RPS6KA2: variants seen among roughly 807,000 people sequenced by gnomAD.
RPS6KA2 encodes ribosomal protein S6 kinase alpha-2.
A neutral mutation model predicts 91.8 loss-of-function variants in RPS6KA2; 42 were observed. The observed-to-expected ratio is 0.46, with a 90% CI of 0.36 to 0.59. The LOEUF is 0.59. RPS6KA2 is among the 20% of genes least tolerant of loss of function. The pLI, the probability that RPS6KA2 is intolerant of heterozygous loss-of-function variation, is 0.00. For synonymous variants in RPS6KA2, 414 were observed against 393.6 expected, an observed-to-expected ratio of 1.05 and a Z score of -0.61; for missense variants, 798 against 978.5, an observed-to-expected ratio of 0.82 and a Z score of 2.46.
chr6:166,807,478 G>T (rs575673954), intron 2 of RPS6KA2, among the ~76,000 whole-genome samples: 1 of 152,138 alleles, frequency 6.6e-6, no homozygotes, highest in Admixed American at 6.5e-5. Context: ...CTTCTGCCCT[G>T]CTCCCTCTCC....
At chr6:166,803,094 A>G (rs1479786194) in intron 2 of RPS6KA2, among the ~76,000 whole-genome samples, 1 of 152,172 alleles carries the variant, frequency 6.6e-6, no homozygotes, top group Non-Finnish European at 1.5e-5. Flanking sequence ...CTTTGTGCAA[A>G]CTAATTGGAA....
chr6:166,792,812 T>G (rs1386948948), intron 2 of RPS6KA2, among the ~76,000 whole-genome samples: 1 of 152,222 alleles, frequency 6.6e-6, no homozygotes, highest in Non-Finnish European at 1.5e-5. Context: ...CAGCCCTTCA[T>G]GCTAAAAACT....
intron 2 of RPS6KA2, among the ~76,000 whole-genome samples, chr6:166,667,396 T>C (rs1304815704): frequency 1.3e-5 from 2 of 152,180 alleles, no homozygotes; most frequent in East Asian, 3.8e-4. Flanking sequence ...CTACAGAAAA[T>C]ATACCTAATG....
At chr6:166,690,568 C>A (rs977575823) in intron 2 of RPS6KA2, among the ~76,000 whole-genome samples, 3 of 152,192 alleles carry the variant, frequency 2.0e-5, no homozygotes, top group African/African-American at 7.2e-5. Flanking sequence ...CGCGTCGGAA[C>A]TCCAGGCGTC....
chr6:166,810,991 C>T (rs909797925), intron 2 of RPS6KA2, among the ~76,000 whole-genome samples: 4 of 152,126 alleles, frequency 2.6e-5, no homozygotes, highest in Non-Finnish European at 5.9e-5. Context: ...AGAAAGTACC[C>T]GGAGGCCCGC....
chr6:166,703,648 C>T (rs1789596891), intron 2 of RPS6KA2, among the ~76,000 whole-genome samples: 1 of 152,132 alleles, frequency 6.6e-6, no homozygotes, highest in Non-Finnish European at 1.5e-5. Flanking sequence ...CTCTTGGTTG[C>T]TCAACATTTC....
chr6:166,618,689 T>A (rs1777012817), intron 1 of RPS6KA2, among the ~76,000 whole-genome samples: 1 of 152,226 alleles, frequency 6.6e-6, no homozygotes, highest in African/African-American at 2.4e-5. Context: ...ATCACCTCCG[T>A]TACATCCAAG....
chr6:166,588,212 A>G (rs1410645273), intron 1 of RPS6KA2, among the ~76,000 whole-genome samples: 1 of 150,672 alleles, frequency 6.6e-6, no homozygotes, highest in African/African-American at 2.4e-5. Flanking sequence ...GTTTAAAAAG[A>G]GGAACAAGGA....
chr6:166,416,831 G>A (rs915963484), intron 19 of RPS6KA2, among the ~76,000 whole-genome samples: 15 of 150,298 alleles, frequency 1.0e-4, no homozygotes, highest in African/African-American at 3.2e-4. Context: ...CATCGCTGTC[G>A]CCACCTCTGC....
At chr6:166,546,475 G>A (rs535010298) in intron 1 of RPS6KA2, among the ~76,000 whole-genome samples, 84 of 140,232 alleles carry the variant, frequency 6.0e-4, no homozygotes, top group African/African-American at 2.2e-3. Context: ...CACCCTGACT[G>A]GGAAAACTTT....
chr6:166,839,079 G>A (rs1347179265), intron 2 of RPS6KA2, among the ~76,000 whole-genome samples: 1 of 152,182 alleles, frequency 6.6e-6, no homozygotes, highest in African/African-American at 2.4e-5. Context: ...CTTAGGATCT[G>A]TGCCCTCCAG....
chr6:166,580,938 G>A (rs902094084), intron 1 of RPS6KA2, among the ~76,000 whole-genome samples: 28 of 152,080 alleles, frequency 1.8e-4, no homozygotes, highest in Admixed American at 3.9e-4. Flanking sequence ...GTCTCATTCT[G>A]TTGCCCAGGC....
At chr6:166,647,992 ACATGCTCACACACG>A (rs1230980289) in intron 2 of RPS6KA2, among the ~76,000 whole-genome samples, 5 of 147,404 alleles carry the variant, frequency 3.4e-5, no homozygotes, top group Non-Finnish European at 7.4e-5. Context: ...ACACACACGC[ACATGCTCACACACG>A]CACATGCTTA....
chr6:166,810,429 G>A (rs1433915332), intron 2 of RPS6KA2, among the ~76,000 whole-genome samples: 1 of 152,076 alleles, frequency 6.6e-6, no homozygotes, highest in East Asian at 1.9e-4. Context: ...GGGAAAGTGA[G>A]GGCAAAAAGG....
At chr6:166,629,042 C>A (rs1412407399), upstream of RPS6KA2, among the ~76,000 whole-genome samples, 1 of 152,216 alleles carries the variant, frequency 6.6e-6, no homozygotes, top group South Asian at 2.1e-4. Flanking sequence ...TCAGAACCAG[C>A]CTCTTAGTGC....
At position 166,666,990 on chromosome 6, in the gene RPS6KA2, G is replaced by A. The variant is rs1583000985; in HGVS notation, c.124-128206C>T. Reference sequence around the variant, plus strand: ...GACATTATGTGAAGTGAAATAAGCTGATCACAAAAAGACAAATACTGTATG... The same window carrying A: ...GACATTATGTGAAGTGAAATAAGCTAATCACAAAAAGACAAATACTGTATG... On this transcript the variant is annotated intron_variant, in intron 2 of 21. Transcript: ENST00000503859. The surrounding 1 kb of genome is among the most constrained non-coding windows in gnomAD (Gnocchi z 4.0). 6.6e-6 allele frequency among the ~76,000 whole-genome samples: 1 copy of A among 152,310 alleles called. No homozygotes were observed. The highest frequency in any genetic ancestry group is 2.1e-4 in the South Asian group (1 of 4,826).
chr6:166,679,784 G>A, intron 2 of RPS6KA2, among the ~76,000 whole-genome samples: 1 of 152,218 alleles, frequency 6.6e-6, no homozygotes, highest in African/African-American at 2.4e-5. Flanking sequence ...GGGAGCTGGG[G>A]TTGCGAGTGG....
intron 2 of RPS6KA2, among the ~76,000 whole-genome samples, chr6:166,750,697 G>A (rs1791253466): frequency 6.6e-6 from 1 of 152,208 alleles, no homozygotes; most frequent in African/African-American, 2.4e-5. Context: ...ACAGATGGGT[G>A]TCATTGGTCT....
intron 2 of RPS6KA2, among the ~76,000 whole-genome samples, chr6:166,640,765 G>A (rs1186489730): frequency 6.6e-6 from 1 of 151,662 alleles, no homozygotes; most frequent in African/African-American, 2.4e-5. Flanking sequence ...GCAGGCTTAT[G>A]TGAGTCTCTG....
Sources: allele counts gnomAD v4.1 joint callset (sites outside exome capture counted in the v4.1 genomes callset), GRCh38; gene constraint gnomAD v4.1.1; non-coding constraint Gnocchi (gnomAD v3.1); transcripts MANE v1.5; gene names NCBI Gene and HGNC (gene_info 2026-07-23, HGNC 2026-07-21).